RARB: variants seen among roughly 807,000 people sequenced by gnomAD.
RARB encodes the protein HBV-activated protein.
RARB carries 17 observed loss-of-function variants against 51.9 expected under a neutral mutation model. That is an observed-to-expected ratio of 0.33 (90% CI 0.22 to 0.49). The LOEUF is 0.49. Among genes scored for constraint, RARB ranks in the 20% least tolerant of loss-of-function variants. The pLI, the probability that RARB is intolerant of heterozygous loss-of-function variation, is 0.99. For synonymous variants in RARB, 215 were observed against 195.4 expected (o/e 1.10, Z -0.84); for missense variants, 369 against 550.8 (o/e 0.67, Z 3.30).
At chr3:24,885,675 C>G (rs1703253272) in intron 2 of RARB, among the ~76,000 whole-genome samples, 1 of 152,116 alleles carries the variant, frequency 6.6e-6, no homozygotes, top group Admixed American at 6.6e-5. Context: ...GATTCCTCAG[C>G]TAGGGTTAGA....
At chr3:25,226,521 A>G (rs1489089848) in intron 5 of RARB, among the ~76,000 whole-genome samples, 1 of 152,186 alleles carries the variant, frequency 6.6e-6, no homozygotes, top group African/African-American at 2.4e-5. Context: ...TTTTCTGAGA[A>G]TAAAACCTAC....
intron 5 of RARB, among the ~76,000 whole-genome samples, chr3:25,386,097 G>A (rs768528942): frequency 2.0e-5 from 3 of 152,154 alleles, no homozygotes; most frequent in African/African-American, 4.8e-5. Flanking sequence ...GACAGAACAC[G>A]AACAGGCAAT....
At chr3:25,186,846 G>A (rs900100058) in intron 5 of RARB, among the ~76,000 whole-genome samples, 1 of 148,370 alleles carries the variant, frequency 6.7e-6, no homozygotes, top group East Asian at 2.0e-4. Context: ...TATATGCTTG[G>A]GAACCTTCAG....
At chr3:24,929,964 T>G (rs1695405078) in intron 2 of RARB, among the ~76,000 whole-genome samples, 1 of 152,118 alleles carries the variant, frequency 6.6e-6, no homozygotes, top group Non-Finnish European at 1.5e-5. Context: ...TGTTTCTGAT[T>G]GTAATTGATT....
intron 2 of RARB, among the ~76,000 whole-genome samples, chr3:24,974,314 C>T (rs139131027): frequency 6.6e-5 from 10 of 152,068 alleles, no homozygotes; most frequent in Middle Eastern, 3.4e-3. Flanking sequence ...ATTTTTTAAA[C>T]GCATTGTTGA....
intron 5 of RARB, among the ~76,000 whole-genome samples, chr3:25,212,637 T>G (rs1310796772): frequency 6.6e-6 from 1 of 152,050 alleles, no homozygotes; most frequent in Non-Finnish European, 1.5e-5. Flanking sequence ...AAGAAGTGAA[T>G]CTCATTAATT....
chr3:25,210,383 A>T (rs894937344), intron 5 of RARB, among the ~76,000 whole-genome samples: 1 of 152,102 alleles, frequency 6.6e-6, no homozygotes, highest in East Asian at 1.9e-4. Context: ...TCCATTGTGT[A>T]TGCAGCCTAC....
At chr3:25,098,919 T>G (rs192457987) in intron 3 of RARB, among the ~76,000 whole-genome samples, 1 of 152,312 alleles carries the variant, frequency 6.6e-6, no homozygotes. Flanking sequence ...GTTAAAGAAA[T>G]TTTAAAGAAT....
intron 4 of RARB, among the ~76,000 whole-genome samples, chr3:25,574,860 G>A (rs759030765): frequency 1.2e-4 from 19 of 152,086 alleles, no homozygotes; most frequent in Non-Finnish European, 2.8e-4. Context: ...CCTGGAACTC[G>A]GGGAGCTCGG....
intron 5 of RARB, among the ~76,000 whole-genome samples, chr3:25,331,464 G>A (rs570822765): frequency 6.6e-6 from 1 of 152,152 alleles, no homozygotes; most frequent in East Asian, 1.9e-4. Flanking sequence ...ATAAAGATGT[G>A]CTTTGAAACC....
At chr3:25,081,068 A>G (rs1698984697) in intron 3 of RARB, among the ~76,000 whole-genome samples, 1 of 151,994 alleles carries the variant, frequency 6.6e-6, no homozygotes, top group African/African-American at 2.4e-5. Flanking sequence ...TTGCTCTCTC[A>G]TGGTGAAAAT....
intron 5 of RARB, among the ~76,000 whole-genome samples, chr3:25,264,112 T>G (rs1342705476): frequency 1.7e-4 from 1 of 6,058 alleles, no homozygotes; most frequent in South Asian, 3.0e-3. Context: ...GCATTGTTGA[T>G]TTTTTTTTTT....
intron 1 of RARB, among the ~76,000 whole-genome samples, chr3:25,442,098 T>A (rs917483537): frequency 4.2e-5 from 6 of 143,730 alleles, no homozygotes; most frequent in African/African-American, 1.3e-4. Flanking sequence ...AGGAAGTGAC[T>A]TTTTAATTTT....
At chr3:25,275,142 C>A (rs919710126) in intron 5 of RARB, among the ~76,000 whole-genome samples, 1 of 152,156 alleles carries the variant, frequency 6.6e-6, no homozygotes, top group African/African-American at 2.4e-5. Context: ...CCACATCATA[C>A]CCACAGACTC....
intron 5 of RARB, among the ~76,000 whole-genome samples, chr3:25,260,716 A>T (rs995597335): frequency 1.3e-5 from 2 of 152,086 alleles, no homozygotes; most frequent in African/African-American, 4.8e-5. Flanking sequence ...GTTGAAGATT[A>T]ACTTTGCTAA....
At chr3:25,544,226 A>G (rs1699511496) in intron 3 of RARB, among the ~76,000 whole-genome samples, 1 of 152,228 alleles carries the variant, frequency 6.6e-6, no homozygotes. Flanking sequence ...ATGCATAGAA[A>G]AACAATAAAA....
chr3:25,559,930 C>G (rs981665584), intron 3 of RARB, among the ~76,000 whole-genome samples: 2 of 152,104 alleles, frequency 1.3e-5, no homozygotes, highest in Non-Finnish European at 2.9e-5. Context: ...GCAATTCTTT[C>G]TTGGATGTCT....
chr3:24,863,123 G>T (rs1438108281), intron 2 of RARB, among the ~76,000 whole-genome samples: 1 of 152,216 alleles, frequency 6.6e-6, no homozygotes, highest in Admixed American at 6.5e-5. Flanking sequence ...ATGGGGTGAT[G>T]GCAGCCATAC....
chr3:25,263,950 G>C (rs1703065701), intron 5 of RARB, among the ~76,000 whole-genome samples: 1 of 152,122 alleles, frequency 6.6e-6, no homozygotes, highest in African/African-American at 2.4e-5. Context: ...TAGAGCTCTA[G>C]AATGTAATAG....
Sources: allele counts gnomAD v4.1 joint callset (sites outside exome capture counted in the v4.1 genomes callset), GRCh38; gene constraint gnomAD v4.1.1; transcripts MANE v1.5; gene names NCBI Gene and HGNC (gene_info 2026-07-23, HGNC 2026-07-21).